Variants in GSAP observed in about 807,000 individuals in gnomAD.
The protein encoded by GSAP is gamma-secretase-activating protein.
In GSAP, 118 loss-of-function variants were observed where a neutral mutation model predicts 131.7. That is an observed-to-expected ratio of 0.90 (90% CI 0.77 to 1.04). GSAP has a LOEUF of 1.04. GSAP is among the 50% of genes least tolerant of loss of function. The pLI is 0.00. For missense variants in GSAP, 1,019 were observed against 1,013.2 expected (o/e 1.01, Z -0.08); for synonymous variants, 381 against 363.4 (o/e 1.05, Z -0.55).
chr7:77,364,656 AAAACTT>A (rs1318990612), intron 12 of GSAP, among the ~76,000 whole-genome samples: 3 of 152,188 alleles, frequency 2.0e-5, no homozygotes, highest in African/African-American at 7.2e-5. Flanking sequence ...CATGTACCCT[AAAACTT>A]AAAGTGTAAT....
chr7:77,327,388 C>G (rs575298712), intron 22 of GSAP: 2 of 152,358 alleles, frequency 1.3e-5, no homozygotes, highest in South Asian at 4.1e-4. Context: ...CACACATGCC[C>G]GTGTCTGGCA....
At chr7:77,384,517 A>G (rs972930626) in intron 6 of GSAP, among the ~76,000 whole-genome samples, 2 of 152,004 alleles carry the variant, frequency 1.3e-5, no homozygotes, top group African/African-American at 4.8e-5. Context: ...TGAAAAATTT[A>G]TCTTCACAAA....
At chr7:77,320,952 C>T in intron 25 of GSAP, 133 bp from the exon 26 acceptor site, 1 of 645,142 alleles carries the variant, frequency 1.6e-6, no homozygotes. Context: ...GTAGAAAGCC[C>T]CATAAATATG....
At chr7:77,336,203 C>G (rs1157982118) in intron 19 of GSAP, among the ~76,000 whole-genome samples, 2 of 152,162 alleles carry the variant, frequency 1.3e-5, no homozygotes, top group Non-Finnish European at 2.9e-5. Flanking sequence ...AATGAAATCA[C>G]TAAATATGGC....
At chr7:77,405,570 C>T (rs570407189) in intron 2 of GSAP, among the ~76,000 whole-genome samples, 161 of 152,216 alleles carry the variant, frequency 1.1e-3, no homozygotes, top group African/African-American at 3.7e-3. Flanking sequence ...CAGGGTTTCG[C>T]TCTGTCACCC....
chr7:77,367,933 G>A (rs1795558955), intron 12 of GSAP, among the ~76,000 whole-genome samples: 1 of 152,132 alleles, frequency 6.6e-6, no homozygotes, highest in Non-Finnish European at 1.5e-5. Context: ...GCCTTGGGAG[G>A]CTGTTTGTGT....
At chr7:77,314,618 G>C (rs1291950871) in intron 26 of GSAP, 129 bp from the exon 27 acceptor site, 2 of 961,442 alleles carry the variant, frequency 2.1e-6, no homozygotes, top group Non-Finnish European at 3.1e-6. Context: ...TGAATTTCTT[G>C]AAAACAAGGT....
intron 12 of GSAP, 105 bp from the exon 13 acceptor site, chr7:77,362,765 A>T (rs1268523945): frequency 3.0e-6 from 2 of 665,632 alleles, no homozygotes; most frequent in Non-Finnish European, 5.4e-6. Flanking sequence ...GTCCTGTCTC[A>T]TCTTACCTCA....
At chr7:77,325,093 G>A (rs565479872) in intron 23 of GSAP, among the ~76,000 whole-genome samples, 1 of 152,216 alleles carries the variant, frequency 6.6e-6, no homozygotes, top group East Asian at 1.9e-4. Flanking sequence ...TGGGATAACA[G>A]GTGTGAGCAA....
intron 3 of GSAP, among the ~76,000 whole-genome samples, chr7:77,404,099 G>C (rs140702564): frequency 6.6e-6 from 1 of 152,316 alleles, no homozygotes; most frequent in Admixed American, 6.5e-5. Context: ...TAAATCAAGA[G>C]ATCAGGAGAG....
At chr7:77,338,280 A>G (rs888496281) in intron 19 of GSAP, among the ~76,000 whole-genome samples, 7 of 152,202 alleles carry the variant, frequency 4.6e-5, no homozygotes, top group African/African-American at 1.7e-4. Flanking sequence ...AAGGGATAAA[A>G]TCATTCTTAG....
chr7:77,386,461 C>T (rs1445324320), intron 6 of GSAP, among the ~76,000 whole-genome samples: 1 of 152,146 alleles, frequency 6.6e-6, no homozygotes, highest in African/African-American at 2.4e-5. Flanking sequence ...TTCTTGGAAG[C>T]CTCTAGTCAC....
intron 25 of GSAP, 131 bp downstream of exon 25, chr7:77,321,202 T>C (rs1206284507): frequency 2.1e-5 from 14 of 665,790 alleles, no homozygotes; most frequent in Non-Finnish European, 3.8e-5. Flanking sequence ...ATGCTGAGTA[T>C]AGAATTAAGC....
chr7:77,400,512 G>C (rs1442223568), intron 3 of GSAP, among the ~76,000 whole-genome samples: 1 of 152,110 alleles, frequency 6.6e-6, no homozygotes, highest in Non-Finnish European at 1.5e-5. Flanking sequence ...CTCTCCACTG[G>C]GGTGTCCAAG....
intron 19 of GSAP, among the ~76,000 whole-genome samples, chr7:77,343,562 C>T (rs1343637843): frequency 6.6e-6 from 1 of 152,196 alleles, no homozygotes; most frequent in Non-Finnish European, 1.5e-5. Context: ...CAAAGGCCAT[C>T]AAAAGGTGTC....
intron 14 of GSAP, among the ~76,000 whole-genome samples, chr7:77,356,596 T>TCA (rs1323716108): frequency 6.6e-6 from 1 of 152,216 alleles, no homozygotes; most frequent in Admixed American, 6.5e-5. Context: ...TGACTAGAAT[T>TCA]CACACCTTCA....
intron 26 of GSAP, chr7:77,315,261 T>G (rs1358058071): frequency 1.3e-5 from 2 of 152,322 alleles, no homozygotes; most frequent in Non-Finnish European, 2.9e-5. Flanking sequence ...AAGCCAGGTT[T>G]GGCATGAGCA....
At chr7:77,337,550 C>T (rs1264944430) in intron 19 of GSAP, among the ~76,000 whole-genome samples, 1 of 152,128 alleles carries the variant, frequency 6.6e-6, no homozygotes, top group Non-Finnish European at 1.5e-5. Flanking sequence ...CTACTCTTCT[C>T]CCAGTTGCTC....
At chr7:77,348,786 A>G (rs1431317156) in intron 19 of GSAP, among the ~76,000 whole-genome samples, 2 of 152,240 alleles carry the variant, frequency 1.3e-5, no homozygotes, top group Admixed American at 1.3e-4. Context: ...AAAGACACTA[A>G]CAGCTACAGC....
Sources: gnomAD v4.1 joint callset for allele counts (sites outside exome capture counted in the v4.1 genomes callset) on GRCh38, gnomAD v4.1.1 for gene constraint, MANE v1.5 for transcripts, NCBI Gene and HGNC (gene_info 2026-07-23, HGNC 2026-07-21) for gene names.